MACROD2: variants seen among roughly 807,000 people sequenced by gnomAD.
MACROD2 encodes the protein mono-ADP ribosylhydrolase 2, also known as ADP-ribose glycohydrolase MACROD2.
In MACROD2, 36 loss-of-function variants were observed where a neutral mutation model predicts 70.4. That is an observed-to-expected ratio of 0.51 (90% CI 0.39 to 0.68). MACROD2 has a LOEUF of 0.68. Among genes scored for constraint, MACROD2 ranks in the 30% least tolerant of loss-of-function variants. MACROD2 has a pLI of 0.00. For missense variants in MACROD2, 496 were observed against 538.4 expected, an observed-to-expected ratio of 0.92 and a Z score of 0.78; for synonymous variants, 172 against 178.8, an observed-to-expected ratio of 0.96 and a Z score of 0.30.
At chr20:15,643,058 G>A (rs967407387) in intron 8 of MACROD2, among the ~76,000 whole-genome samples, 4 of 152,192 alleles carry the variant, frequency 2.6e-5, no homozygotes, top group Non-Finnish European at 5.9e-5. Flanking sequence ...CAAGAAATAA[G>A]TGCAGTAACT....
At chr20:15,011,056 G>T (rs1449607997) in intron 5 of MACROD2, among the ~76,000 whole-genome samples, 1 of 152,182 alleles carries the variant, frequency 6.6e-6, no homozygotes, top group Admixed American at 6.5e-5. Context: ...GTTGTTCCTT[G>T]TGTGGCAGAC....
chr20:14,365,088 C>T (rs2083259704), intron 3 of MACROD2, among the ~76,000 whole-genome samples: 1 of 152,072 alleles, frequency 6.6e-6, no homozygotes, highest in Non-Finnish European at 1.5e-5. Flanking sequence ...GTTTTCAAGC[C>T]ACATGGTCCT....
At chr20:14,582,052 C>A (rs1981059018) in intron 4 of MACROD2, among the ~76,000 whole-genome samples, 1 of 92,234 alleles carries the variant, frequency 1.1e-5, no homozygotes. Flanking sequence ...GGCTTTCCCC[C>A]TTCCTGTTTT....
intron 3 of MACROD2, among the ~76,000 whole-genome samples, chr20:14,162,896 C>A (rs973716797): frequency 2.0e-5 from 3 of 151,860 alleles, no homozygotes; most frequent in African/African-American, 7.3e-5. Flanking sequence ...ATATATGAGG[C>A]CTTATTCCTG....
intron 3 of MACROD2, among the ~76,000 whole-genome samples, chr20:14,089,647 A>AT (rs1158618552): frequency 6.6e-6 from 1 of 152,172 alleles, no homozygotes; most frequent in Non-Finnish European, 1.5e-5. Flanking sequence ...GTATGTTTTA[A>AT]TAAAACAGAT....
chr20:14,202,810 A>G (rs1438831433), intron 3 of MACROD2, among the ~76,000 whole-genome samples: 1 of 152,228 alleles, frequency 6.6e-6, no homozygotes, highest in African/African-American at 2.4e-5. Flanking sequence ...GTACTTTGGG[A>G]GACCAAGGTG....
At chr20:15,721,293 G>A (rs749562166) in intron 8 of MACROD2, among the ~76,000 whole-genome samples, 1 of 152,166 alleles carries the variant, frequency 6.6e-6, no homozygotes, top group Non-Finnish European at 1.5e-5. Context: ...TTCCTCAGAA[G>A]CAATTGGCTT....
At chr20:13,996,043 C>T (rs2052638535) in intron 1 of MACROD2, among the ~76,000 whole-genome samples, 1 of 152,196 alleles carries the variant, frequency 6.6e-6, no homozygotes, top group Admixed American at 6.5e-5. Context: ...GCACGCCCCT[C>T]TCTGTTGCCC....
chr20:14,114,611 A>T (rs2148687589), intron 3 of MACROD2, among the ~76,000 whole-genome samples: 1 of 152,194 alleles, frequency 6.6e-6, no homozygotes, highest in East Asian at 1.9e-4. Context: ...AGATTGAGGA[A>T]GGTGGTAACA....
intron 5 of MACROD2, among the ~76,000 whole-genome samples, chr20:14,865,459 T>G (rs2073418766): frequency 1.3e-5 from 2 of 152,082 alleles, no homozygotes; most frequent in Non-Finnish European, 2.9e-5. Context: ...AGTTACTCAT[T>G]GGTTTGTGTT....
intron 12 of MACROD2, among the ~76,000 whole-genome samples, chr20:15,959,188 A>G (rs1383737289): frequency 6.6e-6 from 1 of 152,216 alleles, no homozygotes; most frequent in Non-Finnish European, 1.5e-5. Flanking sequence ...TAAGTTTTTT[A>G]CAGCATTTTG....
intron 8 of MACROD2, among the ~76,000 whole-genome samples, chr20:15,659,757 G>A (rs1190833601): frequency 6.6e-6 from 1 of 152,128 alleles, no homozygotes; most frequent in East Asian, 1.9e-4. Context: ...TCTACAAGAG[G>A]CAGGGCACCA....
chr20:14,084,244 A>G (rs191803673), intron 2 of MACROD2, among the ~76,000 whole-genome samples: 20 of 151,956 alleles, frequency 1.3e-4, no homozygotes, highest in African/African-American at 4.1e-4. Context: ...GTGACTCATA[A>G]CCTATCACCT....
intron 4 of MACROD2, among the ~76,000 whole-genome samples, chr20:14,619,935 G>T (rs578252279): frequency 8.1e-4 from 123 of 152,262 alleles, no homozygotes; most frequent in Middle Eastern, 3.4e-3. Context: ...TGGCCATCAT[G>T]GGTGAGGGAA....
intron 6 of MACROD2, among the ~76,000 whole-genome samples, chr20:15,270,273 T>C (rs2077334702): frequency 6.6e-6 from 1 of 151,958 alleles, no homozygotes; most frequent in East Asian, 1.9e-4. Flanking sequence ...ATCCATATGA[T>C]GGAATACTAC....
chr20:14,624,860 T>C (rs1452911401), intron 4 of MACROD2, among the ~76,000 whole-genome samples: 1 of 152,254 alleles, frequency 6.6e-6, no homozygotes, highest in Non-Finnish European at 1.5e-5. Flanking sequence ...AGAAATGTAC[T>C]GCTGCAGCAC....
At chr20:16,033,012 CT>C (rs1206989321) in intron 15 of MACROD2, among the ~76,000 whole-genome samples, 1 of 152,038 alleles carries the variant, frequency 6.6e-6, no homozygotes, top group African/African-American at 2.4e-5. Context: ...TTAAACATTA[CT>C]TTTGACTAAA....
chr20:14,661,804 T>C (rs1171877604), intron 4 of MACROD2, among the ~76,000 whole-genome samples: 2 of 152,064 alleles, frequency 1.3e-5, no homozygotes, highest in Non-Finnish European at 1.5e-5. Context: ...CTCAATTCTT[T>C]TCAAAAAACA....
intron 5 of MACROD2, among the ~76,000 whole-genome samples, chr20:14,928,675 A>C (rs1488156679): frequency 2.0e-5 from 3 of 152,196 alleles, no homozygotes; most frequent in Non-Finnish European, 4.4e-5. Flanking sequence ...TGAAGCATGC[A>C]CATGATGCCA....
Sources: allele counts gnomAD v4.1 joint callset (sites outside exome capture counted in the v4.1 genomes callset), GRCh38; gene constraint gnomAD v4.1.1; transcripts MANE v1.5; gene names NCBI Gene and HGNC (gene_info 2026-07-23, HGNC 2026-07-21).